The following NCOA2 variants were observed in gnomAD, a reference collection of about 807,000 sequenced individuals.
NCOA2 encodes class E basic helix-loop-helix protein 75.
A neutral mutation model predicts 145.1 loss-of-function variants in NCOA2; 21 were observed. The ratio of observed to expected loss-of-function variants is 0.14; its 90% CI spans 0.10 to 0.21. NCOA2 has a LOEUF of 0.21. NCOA2 is among the 10% of genes least tolerant of loss of function. The pLI is 1.00. For missense variants in NCOA2, 1,472 were observed against 1,837.6 expected (o/e 0.80, Z 3.64); for synonymous variants, 619 against 637.5 (o/e 0.97, Z 0.44).
At chr8:70,343,470 A>G (rs1008565745) in intron 1 of NCOA2, among the ~76,000 whole-genome samples, 1 of 151,908 alleles carries the variant, frequency 6.6e-6, no homozygotes, top group African/African-American at 2.4e-5. Flanking sequence ...CTCTTTCATT[A>G]AGGATCTAGT....
chr8:70,452,724 G>A, the NCOA2 span, among the ~76,000 whole-genome samples: 3,437 of 150,478 alleles, frequency 0.023, 148 homozygotes, highest in African/African-American at 0.079. Context: ...TTTTAAAATT[G>A]CAAAAAGAAA....
chr8:70,299,940 C>T (rs183678882), intron 1 of NCOA2, among the ~76,000 whole-genome samples: 2 of 152,276 alleles, frequency 1.3e-5, no homozygotes, highest in Admixed American at 1.3e-4. Context: ...TGGAATACCA[C>T]TCAATAAAGG....
chr8:70,232,234 T>G (rs1267998777), intron 2 of NCOA2, among the ~76,000 whole-genome samples: 1 of 152,146 alleles, frequency 6.6e-6, no homozygotes, highest in Non-Finnish European at 1.5e-5. Context: ...CCTCCCCACC[T>G]GCAGCCACCT....
intron 5 of NCOA2, among the ~76,000 whole-genome samples, chr8:70,173,813 T>TA (rs1814521818): frequency 6.6e-6 from 1 of 152,108 alleles, no homozygotes; most frequent in Non-Finnish European, 1.5e-5. Flanking sequence ...TTCATAGAAT[T>TA]AGATTTTCTA....
At chr8:70,157,729 C>A (rs565489319) in intron 10 of NCOA2, among the ~76,000 whole-genome samples, 1 of 152,180 alleles carries the variant, frequency 6.6e-6, no homozygotes, top group African/African-American at 2.4e-5. Context: ...AACAACTTGC[C>A]CCTAACTGTT....
At chr8:70,227,690 C>G (rs1563651347) in intron 2 of NCOA2, among the ~76,000 whole-genome samples, 1 of 151,994 alleles carries the variant, frequency 6.6e-6, no homozygotes, top group Non-Finnish European at 1.5e-5. Flanking sequence ...CTCCCCTGCT[C>G]CAAAAAGATA....
chr8:70,250,743 ATATT>A (rs1271954147), intron 2 of NCOA2, among the ~76,000 whole-genome samples: 6 of 152,168 alleles, frequency 3.9e-5, no homozygotes, highest in South Asian at 2.1e-4. Context: ...CTATGACCAC[ATATT>A]TATTAATTAA....
At chr8:70,415,286 A>T in the NCOA2 span, among the ~76,000 whole-genome samples, 8 of 151,436 alleles carry the variant, frequency 5.3e-5, no homozygotes, top group South Asian at 1.0e-3. Context: ...CCATGTTCAC[A>T]CCACTGCACT....
chr8:70,217,888 C>G (rs1819776077), intron 2 of NCOA2, among the ~76,000 whole-genome samples: 1 of 152,108 alleles, frequency 6.6e-6, no homozygotes, highest in Admixed American at 6.5e-5. Context: ...ACTACTTCCC[C>G]TTCCTTCTGG....
intron 14 of NCOA2, 98 bp from the exon 15 acceptor site, chr8:70,138,430 G>A: frequency 8.5e-7 from 1 of 1,178,458 alleles, no homozygotes; most frequent in Non-Finnish European, 1.1e-6. Context: ...ATGAAAAAGG[G>A]AAAACACAGA....
the NCOA2 span, among the ~76,000 whole-genome samples, chr8:70,432,433 G>C: frequency 6.6e-6 from 1 of 152,204 alleles, no homozygotes; most frequent in Middle Eastern, 3.2e-3. Flanking sequence ...AGGCCAAGGT[G>C]AGAGGATTGC....
chr8:70,440,499 G>A, the NCOA2 span, among the ~76,000 whole-genome samples: 1 of 152,056 alleles, frequency 6.6e-6, no homozygotes, highest in Non-Finnish European at 1.5e-5. Context: ...GCTTGAACCT[G>A]GGAGGCAGAG....
rs573789439 is a variant in NCOA2, at chr8:70,223,462, T to C, written c.-19-6698A>G. On this transcript the variant is annotated intron_variant, in intron 2 of 22. Coordinates refer to ENST00000452400, the MANE Select transcript of NCOA2 (RefSeq NM_006540.4). ...GTTGTTTGGTTTTTTTGCTAACATT[T>C]ATTGAAGACTTATTATGAGTTAGGT... Among the ~76,000 whole-genome samples the C allele has an allele frequency of 8.3e-4, 126 of 152,330 alleles. 1 individual carries two copies. Among genetic ancestry groups the C allele is most frequent in the African/African-American group, 2.9e-3 (122 of 41,588 alleles).
At chr8:70,455,034 A>T in the NCOA2 span, among the ~76,000 whole-genome samples, 1 of 152,260 alleles carries the variant, frequency 6.6e-6, no homozygotes, top group African/African-American at 2.4e-5. Flanking sequence ...TTGTGGCTCC[A>T]AGCCCAGGCT....
At chr8:70,343,510 G>A (rs2136516247) in intron 1 of NCOA2, among the ~76,000 whole-genome samples, 1 of 151,828 alleles carries the variant, frequency 6.6e-6, no homozygotes, top group South Asian at 2.1e-4. Context: ...CTAATTCAGA[G>A]TTAAGGAAAA....
In NCOA2 at chr8:70,124,004, A is replaced by G; in HGVS notation, c.4173T>C (p.Asn1391=). The change falls in exon 21 of 23, where the codon AAT becomes AAC. Residue 1391 remains asparagine (N), a synonymous_variant. Coordinates refer to ENST00000452400, the MANE Select transcript of NCOA2 (RefSeq NM_006540.4). ...TSMYSNNMNI[N]VSMATNTGGM... is the part of the protein sequence containing the mutation. Reference sequence around the variant, plus strand: ...CACCTGTGTTGGTCGCCATGGACACATTGATGTTCATGTTGTTACTGTACA... The same window carrying G: ...CACCTGTGTTGGTCGCCATGGACACGTTGATGTTCATGTTGTTACTGTACA... 1 of 1,613,994 alleles carries G rather than the reference A, an allele frequency of 6.2e-7. No individual in the cohort carries two copies. The highest frequency in any genetic ancestry group is 8.5e-7 in the Non-Finnish European group (1 of 1,179,888).
the NCOA2 span, among the ~76,000 whole-genome samples, chr8:70,416,599 A>G: frequency 3.3e-5 from 5 of 152,230 alleles, no homozygotes; most frequent in African/African-American, 1.2e-4. Context: ...TAGTACATTT[A>G]ATGCTGCTAT....
chr8:70,152,380 A>G (rs1348900060), intron 11 of NCOA2, among the ~76,000 whole-genome samples: 5 of 152,248 alleles, frequency 3.3e-5, no homozygotes, highest in Admixed American at 6.5e-5. Context: ...ATTTTAAATA[A>G]AAAGTATAAT....
intron 1 of NCOA2, among the ~76,000 whole-genome samples, chr8:70,395,532 T>C (rs1363211426): frequency 6.6e-6 from 1 of 152,274 alleles, no homozygotes; most frequent in Non-Finnish European, 1.5e-5. Flanking sequence ...CCGTATTCCT[T>C]ATTTAGGAAT....
Sources: gnomAD v4.1 joint callset for allele counts (sites outside exome capture counted in the v4.1 genomes callset) on GRCh38, gnomAD v4.1.1 for gene constraint, MANE v1.5 for transcripts, NCBI Gene and HGNC (gene_info 2026-07-23, HGNC 2026-07-21) for gene names.